Variants in SLCO3A1 observed in about 807,000 individuals in gnomAD.
SLCO3A1 encodes solute carrier organic anion transporter family member 3A1, also known as PGE1 transporter.
SLCO3A1 carries 27 observed loss-of-function variants against 63.1 expected under a neutral mutation model. The observed-to-expected ratio is 0.43, with a 90% CI of 0.32 to 0.59. The LOEUF is 0.59. Ranked by LOEUF, SLCO3A1 falls within the 20% of genes least tolerant of loss-of-function variation. The pLI, the probability that SLCO3A1 is intolerant of heterozygous loss-of-function variation, is 0.09. For missense variants in SLCO3A1, 773 were observed against 945.8 expected (o/e 0.82, Z 2.40); for synonymous variants, 473 against 409.9 (o/e 1.15, Z -1.86).
Position 92,060,073 on chromosome 15 carries a change from A to G in SLCO3A1, c.647-34808A>G, listed in dbSNP as rs533097282. Reference sequence around the variant, plus strand: ...AACATAGAAAAGGCACAGTAAAACTACAGCATAAAAGATAAACAGTGGTAC... The same window carrying G: ...AACATAGAAAAGGCACAGTAAAACTGCAGCATAAAAGATAAACAGTGGTAC... On this transcript the variant is annotated intron_variant, in intron 2 of 9. Transcript: ENST00000318445. Among the ~76,000 whole-genome samples the G allele has an allele frequency of 1.3e-4, 20 of 152,300 alleles. No homozygotes were observed. The South Asian group carries it at 4.1e-3, about 32-fold the overall frequency.
intron 2 of SLCO3A1, among the ~76,000 whole-genome samples, chr15:91,937,233 A>G (rs993408528): frequency 6.6e-6 from 1 of 152,192 alleles, no homozygotes; most frequent in Non-Finnish European, 1.5e-5. Context: ...GGCGTTAATA[A>G]GGACTCCTGT....
intron 2 of SLCO3A1, among the ~76,000 whole-genome samples, chr15:91,971,401 A>AAAAAAAAAAAAAAAAAAAAAAAAAG: frequency 6.9e-6 from 1 of 145,052 alleles, no homozygotes; most frequent in Non-Finnish European, 1.5e-5. Context: ...TCTCAAAAAA[A>AAAAAAAAAAAAAAAAAAAAAAAAAG]AAAAAAAAAG....
At chr15:92,151,473 G>A (rs1379416729) in intron 9 of SLCO3A1, among the ~76,000 whole-genome samples, 2 of 152,180 alleles carry the variant, frequency 1.3e-5, no homozygotes, top group African/African-American at 4.8e-5. Flanking sequence ...GAATTTCTGG[G>A]ATGGGGCAAA....
intron 2 of SLCO3A1, among the ~76,000 whole-genome samples, chr15:91,951,879 G>C (rs368668053): frequency 6.6e-6 from 1 of 152,090 alleles, no homozygotes; most frequent in Non-Finnish European, 1.5e-5. Flanking sequence ...CTGTGCGAAC[G>C]TGCATTTTTG....
At chr15:91,898,037 C>T (rs923390742) in intron 1 of SLCO3A1, among the ~76,000 whole-genome samples, 3 of 152,166 alleles carry the variant, frequency 2.0e-5, no homozygotes, top group Non-Finnish European at 4.4e-5. Flanking sequence ...TCTCTCGACA[C>T]GGTTTTCTAA....
chr15:92,016,257 GATAGATAGATAGATAGATAGATAGATGTT>G (rs1317380899), intron 2 of SLCO3A1, among the ~76,000 whole-genome samples: 2 of 98,134 alleles, frequency 2.0e-5, no homozygotes, highest in African/African-American at 1.4e-4. Flanking sequence ...AGATAGATTA[GATAGATAGATAGATAGATAGATAGATGTT>G]ATAGATATAT....
chr15:91,922,262 T>C (rs575102540), intron 2 of SLCO3A1, among the ~76,000 whole-genome samples: 149 of 152,202 alleles, frequency 9.8e-4, no homozygotes, highest in Non-Finnish European at 1.9e-3. Context: ...CTGGAGAGAA[T>C]GGGAGCTGGC....
At chr15:92,025,731 CTCTCT>C (rs1245539247) in intron 2 of SLCO3A1, among the ~76,000 whole-genome samples, 4 of 152,216 alleles carry the variant, frequency 2.6e-5, no homozygotes, top group Non-Finnish European at 5.9e-5. Flanking sequence ...TGATCTGGGA[CTCTCT>C]TCTCAGTCAG....
intron 9 of SLCO3A1, among the ~76,000 whole-genome samples, chr15:92,158,589 A>T (rs1025609856): frequency 2.6e-5 from 4 of 152,162 alleles, no homozygotes; most frequent in Non-Finnish European, 5.9e-5. Flanking sequence ...ACAGTCTCCC[A>T]TTTGTCTATG....
rs909763474 is a variant in SLCO3A1 at position 92,009,882 on chromosome 15, G to A, written c.647-84999G>A. Among the ~76,000 whole-genome samples the A allele has an allele frequency of 2.0e-5, 3 of 152,200 alleles. No homozygotes were observed. The South Asian group carries it at 6.2e-4, about 31-fold the overall frequency. ...GCAGGCGATGTGCAATGAGGGAAAG[G>A]TGTGCATTCATCCAATAGAGGCATT... On this transcript the variant is annotated intron_variant, in intron 2 of 9. Transcript: ENST00000318445.
chr15:92,035,586 G>C (rs2046715806), intron 2 of SLCO3A1, among the ~76,000 whole-genome samples: 1 of 151,674 alleles, frequency 6.6e-6, no homozygotes, highest in African/African-American at 2.4e-5. Flanking sequence ...CAGCCCTAGG[G>C]AGCTCACCAC....
chr15:91,969,071 A>T (rs1319596475), intron 2 of SLCO3A1, among the ~76,000 whole-genome samples: 2 of 152,088 alleles, frequency 1.3e-5, no homozygotes, highest in Non-Finnish European at 2.9e-5. Context: ...TTGCACATAC[A>T]CCTGTGTCCC....
At chr15:92,001,929 C>T (rs2046260112) in intron 2 of SLCO3A1, among the ~76,000 whole-genome samples, 1 of 141,828 alleles carries the variant, frequency 7.1e-6, no homozygotes, top group East Asian at 2.1e-4. Flanking sequence ...TTTTTATTAG[C>T]TCAGTTGGCA....
rs1364368057 is a variant in SLCO3A1 at position 92,047,559 on chromosome 15, AATATATAT to A, written c.647-47318_647-47311del. On this transcript the variant is annotated intron_variant, in intron 2 of 9. Coordinates refer to ENST00000318445, the MANE Select transcript of SLCO3A1 (RefSeq NM_013272.4). ...AATATATATAATATATAAATATATAAATATATATATAAATATATATATAATATATATAT... is the reference window on the plus strand; with the variant it reads ...AATATATATAATATATAAATATATAAATAAATATATATATAATATATATAT... Among the ~76,000 whole-genome samples, 5 of 15,790 alleles carry A rather than the reference AATATATAT, an allele frequency of 3.2e-4. 1 individual carries two copies. The highest frequency in any genetic ancestry group is 5.0e-4 in the Non-Finnish European group (5 of 9,964). The allele number at this position is 15,790 out of a possible 152,430, so 10.4% of individuals were successfully genotyped here.
At chr15:92,154,249 G>C (rs991084375) in intron 9 of SLCO3A1, among the ~76,000 whole-genome samples, 45 of 152,184 alleles carry the variant, frequency 3.0e-4, no homozygotes, top group African/African-American at 1.1e-3. Context: ...TCTTAGAAAG[G>C]GGCACCCACA....
At position 92,163,108 on chromosome 15, in the gene SLCO3A1, G is replaced by T; in HGVS notation, c.2106G>T (p.Trp702Cys). The change falls in exon 10 of 10, where the codon TGG (tryptophan) becomes TGT (cysteine). Residue 702 changes from tryptophan (W) to cysteine (C), a missense_variant. Coordinates refer to ENST00000318445, the MANE Select transcript of SLCO3A1 (RefSeq NM_013272.4). Reference sequence around the variant, plus strand: ...TCTATAACCTGGAAGACCATGAGTGGTGTGAAAACATGGAGTCCGTTTTAT... The same window carrying T: ...TCTATAACCTGGAAGACCATGAGTGTTGTGAAAACATGGAGTCCGTTTTAT... ...KFIYNLEDHE[W>C]CENMESVL The T allele has an allele frequency of 6.5e-7, 1 of 1,527,774 alleles. No individual in the cohort carries two copies. The allele number at this position is 1,527,774 out of a possible 1,614,324, so 94.6% of individuals were successfully genotyped here.
chr15:92,022,636 C>T (rs930918907), intron 2 of SLCO3A1, among the ~76,000 whole-genome samples: 1 of 152,200 alleles, frequency 6.6e-6, no homozygotes, highest in Non-Finnish European at 1.5e-5. Flanking sequence ...CTCTCTGAAA[C>T]AGGTCTCTTG....
At chr15:92,035,083 T>C (rs2046707707) in intron 2 of SLCO3A1, among the ~76,000 whole-genome samples, 1 of 151,798 alleles carries the variant, frequency 6.6e-6, no homozygotes, top group Non-Finnish European at 1.5e-5. Context: ...CCCAGGTACA[T>C]GGGTTTTTGA....
At chr15:92,043,904 G>A (rs1341319854) in intron 2 of SLCO3A1, among the ~76,000 whole-genome samples, 2 of 152,104 alleles carry the variant, frequency 1.3e-5, no homozygotes, top group Non-Finnish European at 2.9e-5. Context: ...GTTTCTCCCT[G>A]GTCGGTTTTT....
Sources: allele counts gnomAD v4.1 joint callset (sites outside exome capture counted in the v4.1 genomes callset), GRCh38; gene constraint gnomAD v4.1.1; transcripts MANE v1.5; gene names NCBI Gene and HGNC (gene_info 2026-07-23, HGNC 2026-07-21).